IQCM: variants seen among roughly 807,000 people sequenced by gnomAD.
IQCM encodes the protein IQ domain-containing protein M.
A neutral mutation model predicts 57.6 loss-of-function variants in IQCM; 45 were observed. The observed-to-expected ratio is 0.78, with a 90% CI of 0.62 to 1.00. IQCM has a LOEUF of 1.00. Ranked by LOEUF, IQCM falls within the 50% of genes least tolerant of loss-of-function variation. The probability of loss-of-function intolerance (pLI) is 0.00; values close to 1 mark genes in which losing one functional copy is unlikely to be tolerated. For missense variants in IQCM, 468 were observed against 511.6 expected (o/e 0.91, Z 0.82); for synonymous variants, 148 against 158.9 (o/e 0.93, Z 0.51).
intron 13 of IQCM, among the ~76,000 whole-genome samples, chr4:149,365,748 C>T (rs6851338): frequency 0.28 from 42,861 of 151,888 alleles, 6,192 homozygotes; most frequent in Middle Eastern, 0.33. Context: ...TCAGACAAAT[C>T]CAAATTGAGG....
intron 10 of IQCM, among the ~76,000 whole-genome samples, chr4:149,556,621 A>C (rs72955486): frequency 6.6e-6 from 1 of 152,206 alleles, no homozygotes; most frequent in Non-Finnish European, 1.5e-5. Flanking sequence ...AAAAGGGAAA[A>C]TGTTTTAAAA....
intron 13 of IQCM, among the ~76,000 whole-genome samples, chr4:149,388,266 T>C (rs1560794587): frequency 1.3e-5 from 2 of 151,680 alleles, no homozygotes; most frequent in East Asian, 1.9e-4. Flanking sequence ...CAAACTGTTT[T>C]CCAAATTGCA....
chr4:149,742,568 C>A, intron 3 of IQCM, 87 bp downstream of exon 3: 1 of 722,474 alleles, frequency 1.4e-6, no homozygotes, highest in South Asian at 7.2e-5. Context: ...GTGTAGTGCT[C>A]TGAGGGTCAC....
intron 12 of IQCM, among the ~76,000 whole-genome samples, chr4:149,465,240 A>G (rs1343818226): frequency 6.6e-6 from 1 of 152,190 alleles, no homozygotes; most frequent in Non-Finnish European, 1.5e-5. Context: ...TTTTTAATCA[A>G]TTGATTAACA....
At chr4:149,442,498 C>T (rs538082699) in intron 12 of IQCM, among the ~76,000 whole-genome samples, 6 of 152,122 alleles carry the variant, frequency 3.9e-5, no homozygotes, top group East Asian at 3.9e-4. Flanking sequence ...TGTCCAAGGC[C>T]GTATCTGGAA....
intron 5 of IQCM, among the ~76,000 whole-genome samples, chr4:149,715,515 C>T (rs1764915675): frequency 6.6e-6 from 1 of 152,110 alleles, no homozygotes. Flanking sequence ...GTCTGGGCTC[C>T]CTGAAGGACC....
intron 2 of IQCM, among the ~76,000 whole-genome samples, chr4:149,771,492 A>G (rs1215923014): frequency 6.6e-6 from 1 of 152,114 alleles, no homozygotes; most frequent in African/African-American, 2.4e-5. Context: ...AAAATATCCC[A>G]TTGTAGAGTA....
chr4:149,537,557 C>T (rs543381877), intron 12 of IQCM, among the ~76,000 whole-genome samples: 1 of 151,892 alleles, frequency 6.6e-6, no homozygotes, highest in African/African-American at 2.4e-5. Context: ...AATATATTGG[C>T]TGAAAATTGC....
intron 2 of IQCM, among the ~76,000 whole-genome samples, chr4:149,804,104 G>C (rs1188753704): frequency 6.6e-6 from 1 of 151,874 alleles, no homozygotes; most frequent in African/African-American, 2.4e-5. Flanking sequence ...AGTTGGTTAG[G>C]CTTTTGTAAA....
chr4:149,714,211 T>A (rs1764801218), intron 5 of IQCM, among the ~76,000 whole-genome samples: 1 of 152,212 alleles, frequency 6.6e-6, no homozygotes, highest in Admixed American at 6.5e-5. Flanking sequence ...CAATCTTCAC[T>A]CAGTATCCTG....
At chr4:149,768,309 C>A (rs1016771240) in intron 2 of IQCM, among the ~76,000 whole-genome samples, 1 of 152,080 alleles carries the variant, frequency 6.6e-6, no homozygotes, top group East Asian at 1.9e-4. Context: ...CCACATCACA[C>A]AATCTGCTGA....
rs3057342 is a variant in IQCM, at chr4:149,623,718, G to GGTGTGTGTGTGTGT, written c.566-2488_566-2475dup. 4.0e-4 allele frequency among the ~76,000 whole-genome samples: 59 copies of GGTGTGTGTGTGTGT among 146,064 alleles called. No individual in the cohort carries two copies. In the South Asian group the frequency reaches 0.013, roughly 32 times the overall value. ...ATAGAAATAAAGGTTCTGAATCCCA[G>GGTGTGTGTGTGTGT]GTGTGTGTGTGTGTGTGTGTGTGTG... On this transcript the variant is annotated intron_variant, in intron 7 of 13. Coordinates refer to ENST00000636793, the MANE Select transcript of IQCM (RefSeq NM_001363507.2).
At chr4:149,397,025 G>A (rs1379148619) in intron 13 of IQCM, among the ~76,000 whole-genome samples, 1 of 151,874 alleles carries the variant, frequency 6.6e-6, no homozygotes, top group Non-Finnish European at 1.5e-5. Flanking sequence ...CTCATATCTT[G>A]GAGACACTGA....
rs553666396 is a variant in IQCM at position 149,738,283 on chromosome 4, G to A, written c.38-2825C>T. ...CTGAAACTTGGCTGGTCACACTGGT[G>A]AGATACGCACGTTTCCCTGACACTT... On this transcript the variant is annotated intron_variant, in intron 3 of 13. Coordinates refer to ENST00000636793, the MANE Select transcript of IQCM (RefSeq NM_001363507.2). 1.2e-4 allele frequency among the ~76,000 whole-genome samples: 19 copies of A among 152,308 alleles called. No homozygotes were observed. The South Asian group carries it at 3.7e-3, about 30-fold the overall frequency.
At chr4:149,419,022 T>A (rs573947444) in intron 13 of IQCM, among the ~76,000 whole-genome samples, 31 of 152,252 alleles carry the variant, frequency 2.0e-4, no homozygotes, top group Non-Finnish European at 3.8e-4. Context: ...CATTCCATGC[T>A]CATGGAAAGG....
At chr4:149,582,779 T>C (rs1403002605) in intron 9 of IQCM, among the ~76,000 whole-genome samples, 1 of 151,756 alleles carries the variant, frequency 6.6e-6, no homozygotes. Flanking sequence ...GAAGAATCAA[T>C]TGACAAAAGA....
In IQCM at chr4:149,622,589, C is replaced by T. The variant is rs1372351508; in HGVS notation, c.566-1345G>A. Among the ~76,000 whole-genome samples the T allele has an allele frequency of 2.0e-5, 3 of 152,056 alleles. No homozygotes were observed. The East Asian group carries it at 5.8e-4, about 29-fold the overall frequency. The stretch of plus-strand genomic sequence containing the variant: ...CGAACTTAAAATTATTCAACGGAAG[C>T]AAAGGCCAATAACGAGTAGCTTGTA... On this transcript the variant is annotated intron_variant, in intron 7 of 13. Transcript: ENST00000636793.
In IQCM at chr4:149,353,853, C is replaced by T. The variant is rs10016192; in HGVS notation, c.1391-1787G>A. On this transcript the variant is annotated intron_variant, in intron 13 of 13. Transcript: ENST00000636793. ...TGTTTAAGATGAACAGGTCTAGAGA[C>T]CTAATGCTCAACCTGAGGACCACAG... Among the ~76,000 whole-genome samples the T allele has an allele frequency of 2.3e-3, 350 of 152,140 alleles. 2 individuals carry two copies. The highest frequency in any genetic ancestry group is 8.0e-3 in the African/African-American group (332 of 41,532).
In IQCM at chr4:149,555,049, T is replaced by C. The variant is rs1412026665; in HGVS notation, c.949-1762A>G. 2.0e-5 allele frequency among the ~76,000 whole-genome samples: 3 copies of C among 152,320 alleles called. No homozygotes were observed. The East Asian group carries it at 5.8e-4, about 29-fold the overall frequency. ...TCTGTCATGTTATTTTCTGTTTATG[T>C]GAAATAATATTTTTTGTTTATTTGA... On this transcript the variant is annotated intron_variant, in intron 10 of 13. Coordinates refer to ENST00000636793, the MANE Select transcript of IQCM (RefSeq NM_001363507.2).
Sources: gnomAD v4.1 joint callset for allele counts (sites outside exome capture counted in the v4.1 genomes callset) on GRCh38, gnomAD v4.1.1 for gene constraint, MANE v1.5 for transcripts, NCBI Gene and HGNC (gene_info 2026-07-23, HGNC 2026-07-21) for gene names.